Variants in GMEB1 observed in about 807,000 individuals in gnomAD.
GMEB1 encodes the protein glucocorticoid modulatory element binding protein 1.
A neutral mutation model predicts 52.4 loss-of-function variants in GMEB1; 6 were observed. The observed-to-expected ratio is 0.11, with a 90% CI of 0.06 to 0.23. The LOEUF is 0.23. Ranked by LOEUF, GMEB1 falls within the 10% of genes least tolerant of loss-of-function variation. The probability of loss-of-function intolerance (pLI) is 1.00; values close to 1 mark genes in which losing one functional copy is unlikely to be tolerated. For synonymous variants in GMEB1, 255 were observed against 244.9 expected (o/e 1.04, Z -0.38); for missense variants, 486 against 685.6 (o/e 0.71, Z 3.25).
At chr1:28,675,198 T>C (rs1669094737) in intron 1 of GMEB1, among the ~76,000 whole-genome samples, 1 of 150,930 alleles carries the variant, frequency 6.6e-6, no homozygotes. Flanking sequence ...TTTGTATTTT[T>C]AGTAGAGACG....
rs375357571 is a variant in GMEB1 at position 28,707,263 on chromosome 1, C to T, written c.868+2934C>T. Among the ~76,000 whole-genome samples, 26 of 151,168 alleles carry T rather than the reference C, an allele frequency of 1.7e-4. No homozygotes were observed. In the East Asian group the frequency reaches 4.5e-3, roughly 26 times the overall value. On this transcript the variant is annotated intron_variant, in intron 8 of 9. Transcript: ENST00000373816. The stretch of plus-strand genomic sequence containing the variant: ...TCCCAAAGTGCTGGGATTACAGGCG[C>T]GAGCCACTGTGCCTGTAAAATTTTA...
chr1:28,691,740 T>G (rs750247034), intron 4 of GMEB1, 31 bp downstream of exon 4: 2 of 1,377,126 alleles, frequency 1.5e-6, no homozygotes, highest in South Asian at 3.4e-5. Flanking sequence ...GAAGCCAAAT[T>G]TGGGACTCCT....
chr1:28,679,910 A>G (rs1046800801), intron 1 of GMEB1, among the ~76,000 whole-genome samples: 3 of 151,954 alleles, frequency 2.0e-5, no homozygotes, highest in Non-Finnish European at 4.4e-5. Flanking sequence ...GGTTCAAGCA[A>G]TTCTCCTGCC....
At chr1:28,702,352 C>T in intron 6 of GMEB1, 86 bp from the exon 7 acceptor site, 5 of 1,048,808 alleles carry the variant, frequency 4.8e-6, no homozygotes, top group East Asian at 2.6e-5. Flanking sequence ...ATAACAAGGT[C>T]TTTGTAGCTA....
intron 6 of GMEB1, among the ~76,000 whole-genome samples, chr1:28,700,552 G>T (rs1037280299): frequency 1.3e-5 from 2 of 150,790 alleles, no homozygotes; most frequent in African/African-American, 4.9e-5. Context: ...GTGCATGGTG[G>T]TGCATGCCTG....
At chr1:28,686,535 A>G (rs1325927724) in intron 2 of GMEB1, among the ~76,000 whole-genome samples, 1 of 145,384 alleles carries the variant, frequency 6.9e-6, no homozygotes, top group Non-Finnish European at 1.5e-5. Flanking sequence ...AGGCTAAGGG[A>G]GGAGAATTGC....
intron 1 of GMEB1, among the ~76,000 whole-genome samples, chr1:28,679,991 A>G (rs190538574): frequency 6.6e-6 from 1 of 152,198 alleles, no homozygotes; most frequent in Admixed American, 6.5e-5. Flanking sequence ...TATTTTTAGT[A>G]GAGATGGGGT....
intron 9 of GMEB1, among the ~76,000 whole-genome samples, chr1:28,711,067 C>G (rs978394237): frequency 1.3e-5 from 2 of 152,018 alleles, no homozygotes; most frequent in Non-Finnish European, 1.5e-5. Context: ...GCAGACAGAT[C>G]ACGAGGTCAA....
Position 28,687,370 on chromosome 1 carries a change from ACACACAC to A in GMEB1, c.129-2733_129-2727del, listed in dbSNP as rs1341138390. Among the ~76,000 whole-genome samples the A allele has an allele frequency of 7.2e-4, 61 of 84,290 alleles. 6 individuals carry two copies. Among genetic ancestry groups the A allele is most frequent in the African/African-American group, 1.4e-3 (30 of 22,156 alleles). The allele number at this position is 84,290 out of a possible 152,430, so 55.3% of individuals were successfully genotyped here. A position where few individuals can be genotyped will look rare whatever the true frequency, so the allele number is the denominator to read the frequency against. ...CACACACACACACACACACACACAC[ACACACAC>A]ACACACACACAAAAAAAGACAGTGG... On this transcript the variant is annotated intron_variant, in intron 2 of 9. Transcript: ENST00000373816.
chr1:28,672,305 C>T (rs1197504323), intron 1 of GMEB1, among the ~76,000 whole-genome samples: 1 of 150,090 alleles, frequency 6.7e-6, no homozygotes, highest in Non-Finnish European at 1.5e-5. Flanking sequence ...ACTGCAAGCT[C>T]CGCCTCCCGG....
At chr1:28,669,499 G>A (rs190945924) in intron 1 of GMEB1, among the ~76,000 whole-genome samples, 20 of 152,036 alleles carry the variant, frequency 1.3e-4, no homozygotes, top group African/African-American at 4.8e-4. Flanking sequence ...CCCGAGGGGC[G>A]CGGTAGAGGC....
In GMEB1 at chr1:28,714,817, T is replaced by C; in HGVS notation, c.*44T>C. 7.7e-7 allele frequency: 1 copy of C among 1,306,294 alleles called. No individual in the cohort carries two copies. 80.9% of individuals were successfully genotyped at this position (1,306,294 alleles called of 1,614,324 possible). ...GGAGTTATGTTTTGATTTGGAATTTTAATTATTTGTTTATTTTTATCATTG... is the reference window on the plus strand; with the variant it reads ...GGAGTTATGTTTTGATTTGGAATTTCAATTATTTGTTTATTTTTATCATTG... On this transcript the variant is annotated 3_prime_UTR_variant, in exon 10 of 10. Coordinates refer to ENST00000373816, the MANE Select transcript of GMEB1 (RefSeq NM_001319674.2).
At position 28,718,388 on chromosome 1, in the gene GMEB1, A is replaced by C. The variant is rs1325685756; in HGVS notation, c.*3615A>C. ...AGCTGAGGCAGAATTGCTTGAGGCC[A>C]AGAGTTTAAGACTAGCCTGGTCAAC... On this transcript the variant is annotated 3_prime_UTR_variant, in exon 10 of 10. Transcript: ENST00000373816. 1 of 152,204 alleles carries C rather than the reference A, an allele frequency of 6.6e-6. No homozygotes were observed. Among genetic ancestry groups the C allele is most frequent in the East Asian group, 1.9e-4 (1 of 5,186 alleles). 9.4% of individuals were successfully genotyped at this position (152,204 alleles called of 1,614,324 possible).
rs1671010346 is a variant in GMEB1, at chr1:28,710,624, T to A, written c.973T>A (p.Phe325Ile). 1.9e-6 allele frequency: 3 copies of A among 1,601,846 alleles called. No individual in the cohort carries two copies. The East Asian group carries it at 6.8e-5, about 36-fold the overall frequency. Residue 325 changes from phenylalanine to isoleucine, a missense_variant, in exon 9 of 10, where the codon TTT (phenylalanine) becomes ATT (isoleucine). Physicochemically the swap from Phe to Ile is conservative, Grantham distance 21 (BLOSUM62 0). This residue lies in a region of GMEB1 where 200 missense variants were observed against 253.5 expected (regional missense o/e 0.79). Coordinates refer to ENST00000373816, the MANE Select transcript of GMEB1 (RefSeq NM_001319674.2). ...CCAAGTAGAGCAGGGAGAAGAACAG[T>A]TTCTCTATACTCTGACAGGTATGTA... is the stretch of plus-strand genomic sequence containing the variant. Reference protein sequence around the residue: ...RNQVEQGEEQFLYTLTDLERQ... With the variant: ...RNQVEQGEEQILYTLTDLERQ...
At chr1:28,672,516 C>T (rs771105054) in intron 1 of GMEB1, among the ~76,000 whole-genome samples, 1 of 151,734 alleles carries the variant, frequency 6.6e-6, no homozygotes, top group Admixed American at 6.6e-5. Flanking sequence ...AGCCACCACG[C>T]CCGGCCTACT....
chr1:28,710,438 T>C (rs1670995281), intron 8 of GMEB1, 82 bp from the exon 9 acceptor site: 1 of 1,111,470 alleles, frequency 9.0e-7, no homozygotes, highest in Non-Finnish European at 1.2e-6. Flanking sequence ...TTTCTGGTTG[T>C]TTCATATTTA....
intron 8 of GMEB1, among the ~76,000 whole-genome samples, chr1:28,709,341 A>G (rs1280654696): frequency 1.3e-5 from 2 of 152,056 alleles, no homozygotes; most frequent in Admixed American, 1.3e-4. Context: ...ATAATCTTGC[A>G]TGCCAGTCCC....
intron 2 of GMEB1, among the ~76,000 whole-genome samples, chr1:28,684,852 A>G (rs904754292): frequency 2.6e-5 from 4 of 152,172 alleles, no homozygotes; most frequent in African/African-American, 9.6e-5. Flanking sequence ...CATGTATCCT[A>G]GAACTTTAAA....
chr1:28,690,087 G>A lies in GMEB1; in HGVS notation c.129-17G>A, dbSNP rs139645319. 43 of 1,576,638 alleles carry A rather than the reference G, an allele frequency of 2.7e-5. No homozygotes were observed. Among genetic ancestry groups the A allele is most frequent in the Non-Finnish European group, 3.7e-5 (43 of 1,156,486 alleles). ...TGATTTATGTAGTTTGTTTATCGATGGACACTTTTACAACAGGATTTATGA... is the reference window on the plus strand; with the variant it reads ...TGATTTATGTAGTTTGTTTATCGATAGACACTTTTACAACAGGATTTATGA... On this transcript the variant is annotated splice_polypyrimidine_tract_variant and intron_variant, in intron 2 of 9. Transcript: ENST00000373816.
Sources: allele counts gnomAD v4.1 joint callset (sites outside exome capture counted in the v4.1 genomes callset), GRCh38; gene constraint gnomAD v4.1.1; regional missense constraint gnomAD v4.1.1; transcripts MANE v1.5; gene names NCBI Gene and HGNC (gene_info 2026-07-23, HGNC 2026-07-21).